Variants in ARPC1A observed in about 807,000 individuals in gnomAD.
ARPC1A encodes the protein actin-related protein 2/3 complex subunit 1A.
Under a neutral mutation model 46.9 loss-of-function variants are expected in ARPC1A, and 8 were observed. That is an observed-to-expected ratio of 0.17 (90% confidence interval 0.10 to 0.31). The LOEUF (loss-of-function observed/expected upper bound fraction) is 0.31, where lower values mean the gene tolerates loss of function less well. Among genes scored for constraint, ARPC1A ranks in the 10% least tolerant of loss-of-function variants. The pLI, the probability that ARPC1A is intolerant of heterozygous loss-of-function variation, is 1.00. For synonymous variants in ARPC1A, 152 were observed against 169.0 expected (o/e 0.90, Z 0.78); for missense variants, 286 against 483.6 (o/e 0.59, Z 3.83).
chr7:99,362,480 C>T (rs796390011), intron 8 of ARPC1A, among the ~76,000 whole-genome samples: 31 of 148,520 alleles, frequency 2.1e-4, no homozygotes, highest in African/African-American at 6.5e-4. Context: ...TACAGGCGCC[C>T]GCCACCATGC....
At chr7:99,353,237 C>A (rs1793576537) in intron 5 of ARPC1A, among the ~76,000 whole-genome samples, 2 of 151,842 alleles carry the variant, frequency 1.3e-5, no homozygotes, top group Non-Finnish European at 2.9e-5. Context: ...CAGCTCACTG[C>A]AAGCTGTGCC....
At chr7:99,348,785 T>TA in intron 4 of ARPC1A, 67 bp from the exon 5 acceptor site, 3 of 1,276,574 alleles carry the variant, frequency 2.4e-6, no homozygotes, top group Non-Finnish European at 3.3e-6. Flanking sequence ...TCACCTGACA[T>TA]ACATTTGTAG....
intron 1 of ARPC1A, among the ~76,000 whole-genome samples, chr7:99,332,078 C>T (rs2150858178): frequency 6.6e-6 from 1 of 152,262 alleles, no homozygotes; most frequent in African/African-American, 2.4e-5. Flanking sequence ...CTGTTTATTT[C>T]CTCCTTGTGT....
intron 4 of ARPC1A, among the ~76,000 whole-genome samples, chr7:99,348,027 A>G (rs1793489124): frequency 1.3e-5 from 2 of 152,064 alleles, no homozygotes; most frequent in Non-Finnish European, 2.9e-5. Flanking sequence ...TCTTTTTTGG[A>G]TGGTGCTAGC....
chr7:99,344,030 C>T (rs1313019770), intron 3 of ARPC1A, among the ~76,000 whole-genome samples: 3 of 152,158 alleles, frequency 2.0e-5, no homozygotes, highest in South Asian at 2.1e-4. Flanking sequence ...AGAATGGCCC[C>T]GTTTAGTTTT....
chr7:99,341,275 C>G (rs1459366500), intron 3 of ARPC1A, among the ~76,000 whole-genome samples: 1 of 151,682 alleles, frequency 6.6e-6, no homozygotes, highest in East Asian at 1.9e-4. Context: ...CGCCACTGCA[C>G]TCCAGCCTGG....
rs1793405106 is a variant in ARPC1A at position 99,344,374 on chromosome 7, G to A, written c.251G>A (p.Gly84Asp). Residue 84 changes from glycine (G) to aspartate (D), a missense_variant, in exon 4 of 10, where the codon GGT (glycine) becomes GAT (aspartate). Around this residue, in one of 5 missense-constraint regions of ARPC1A, gnomAD observed 38 missense variants for 95.8 expected, o/e 0.40. Coordinates refer to ENST00000262942, the MANE Select transcript of ARPC1A (RefSeq NM_006409.4). Reference sequence around the variant, plus strand: ...GCCTATGTCTGGAGTCAGAAAGATGGTGTTTGGAAGCCAACCCTGGTGATC... The same window carrying A: ...GCCTATGTCTGGAGTCAGAAAGATGATGTTTGGAAGCCAACCCTGGTGATC... ...RNAYVWSQKD[G>D]VWKPTLVILR... is the part of the protein sequence containing the mutation. 3 of 1,613,890 alleles carry A rather than the reference G, an allele frequency of 1.9e-6. No individual in the cohort carries two copies. Among genetic ancestry groups the A allele is most frequent in the Non-Finnish European group, 2.5e-6 (3 of 1,179,882 alleles).
chr7:99,346,211 C>T (rs150444234), intron 4 of ARPC1A, among the ~76,000 whole-genome samples: 1,784 of 145,466 alleles, frequency 0.012, 16 homozygotes, highest in Middle Eastern at 0.073. Flanking sequence ...AGTGAAACTC[C>T]GTCTCAAAAA....
chr7:99,353,009 T>C (rs1793570046), intron 5 of ARPC1A, among the ~76,000 whole-genome samples: 1 of 152,026 alleles, frequency 6.6e-6, no homozygotes, highest in Admixed American at 6.6e-5. Flanking sequence ...TTGCCAAACT[T>C]GGGTTGGCCT....
At chr7:99,358,261 G>T in intron 6 of ARPC1A, 79 bp from the exon 7 acceptor site, 1 of 1,420,120 alleles carries the variant, frequency 7.0e-7, no homozygotes, top group Non-Finnish European at 9.9e-7. Flanking sequence ...TGTGAGAATG[G>T]GTCCTTTGTG....
rs1339212392 is a variant in ARPC1A at position 99,345,722 on chromosome 7, C to T, written c.392+1207C>T. ...AGCATGACTGGTAAATATCCTTCAA[C>T]GTAAAGTTGTCATTTACTACTAAAC... is the stretch of plus-strand genomic sequence containing the variant. On this transcript the variant is annotated intron_variant, in intron 4 of 9. Coordinates refer to ENST00000262942, the MANE Select transcript of ARPC1A (RefSeq NM_006409.4). 5.3e-5 allele frequency among the ~76,000 whole-genome samples: 8 copies of T among 152,156 alleles called. No individual in the cohort carries two copies. The South Asian group carries it at 1.5e-3, about 28-fold the overall frequency.
rs1425548319 is a variant in ARPC1A, at chr7:99,338,278, C to G, written c.162C>G (p.His54Gln). 1 of 1,597,550 alleles carries G rather than the reference C, an allele frequency of 6.3e-7. No individual in the cohort carries two copies. Among genetic ancestry groups the G allele is most frequent in the Non-Finnish European group, 8.6e-7 (1 of 1,168,350 alleles). The change falls in exon 3 of 10, where the codon CAC (histidine) becomes CAG (glutamine). Residue 54 changes from histidine (H) to glutamine (Q), a missense_variant. Physicochemically the swap from His to Gln is conservative, Grantham distance 24 (BLOSUM62 0). This residue lies in a region of ARPC1A where 38 missense variants were observed against 95.8 expected (regional missense o/e 0.40). Coordinates refer to ENST00000262942, the MANE Select transcript of ARPC1A (RefSeq NM_006409.4). ...KAHELKEHNG[H>Q]ITGIDWAPKS... ...ATGAACTCAAGGAGCACAACGGACA[C>G]ATCACAGGTAAAGGAAGATAGCCGT...
At chr7:99,338,091 T>C (rs761769956) in intron 2 of ARPC1A, 90 bp from the exon 3 acceptor site, 3 of 920,314 alleles carry the variant, frequency 3.3e-6, no homozygotes, top group Non-Finnish European at 4.9e-6. Context: ...TTCCTTACTA[T>C]AGTCTGCTTT....
rs551875587 is a variant in ARPC1A at position 99,340,867 on chromosome 7, T to A, written c.169+2582T>A. 3.3e-5 allele frequency among the ~76,000 whole-genome samples: 5 copies of A among 152,306 alleles called. No homozygotes were observed. The South Asian group carries it at 1.0e-3, about 32-fold the overall frequency. ...ATGCTCTTGAGCACCAGTAGCTGAG[T>A]ATATTTCCAAAGCAGCACCAAAGAC... On this transcript the variant is annotated intron_variant, in intron 3 of 9. Coordinates refer to ENST00000262942, the MANE Select transcript of ARPC1A (RefSeq NM_006409.4).
chr7:99,348,780 T>C (rs1196288828), intron 4 of ARPC1A, 72 bp from the exon 5 acceptor site: 1 of 1,180,764 alleles, frequency 8.5e-7, no homozygotes, highest in Non-Finnish European at 1.2e-6. Context: ...TATTTTCACC[T>C]GACATACATT....
chr7:99,356,772 C>T lies in ARPC1A; in HGVS notation c.714-1568C>T, dbSNP rs561643872. The stretch of plus-strand genomic sequence containing the variant: ...AAAATTAGCCAGGCGTGGTGGCGGG[C>T]GCTTGTAGTCCCAGCTACTCGGGAG... On this transcript the variant is annotated intron_variant, in intron 6 of 9. Transcript: ENST00000262942. 1.8e-4 allele frequency among the ~76,000 whole-genome samples: 27 copies of T among 152,042 alleles called. No homozygotes were observed. The South Asian group carries it at 4.2e-3, about 23-fold the overall frequency.
At chr7:99,365,821 G>T (rs376476555) in intron 9 of ARPC1A, 70 bp from the exon 10 acceptor site, 6 of 1,461,546 alleles carry the variant, frequency 4.1e-6, no homozygotes, top group Non-Finnish European at 5.6e-6. Flanking sequence ...GAGGAAGAGG[G>T]AGTGGTGTCA....
chr7:99,342,137 G>A (rs1179226915), intron 3 of ARPC1A, among the ~76,000 whole-genome samples: 1 of 152,142 alleles, frequency 6.6e-6, no homozygotes, highest in Admixed American at 6.5e-5. Context: ...CGATTATCGA[G>A]TAACAGCCAA....
Position 99,338,168 on chromosome 7 carries a change from C to T in ARPC1A, c.65-13C>T, listed in dbSNP as rs1386825019. Reference sequence around the variant, plus strand: ...AGTTCAGGTGTTAACTGTTGTTTGACTTGTGTCTCCAGAGATTGCCCTCAG... The same window carrying T: ...AGTTCAGGTGTTAACTGTTGTTTGATTTGTGTCTCCAGAGATTGCCCTCAG... On this transcript the variant is annotated splice_polypyrimidine_tract_variant and intron_variant, in intron 2 of 9. Transcript: ENST00000262942. 5.7e-6 allele frequency: 9 copies of T among 1,584,146 alleles called. No homozygotes were observed. The highest frequency in any genetic ancestry group is 7.8e-6 in the Non-Finnish European group (9 of 1,153,876).
Sources: allele counts gnomAD v4.1 joint callset (sites outside exome capture counted in the v4.1 genomes callset), GRCh38; gene constraint gnomAD v4.1.1; regional missense constraint gnomAD v4.1.1; transcripts MANE v1.5; gene names NCBI Gene and HGNC (gene_info 2026-07-23, HGNC 2026-07-21).